LDLRAD4: variants seen among roughly 807,000 people sequenced by gnomAD.
The protein encoded by LDLRAD4 is low-density lipoprotein receptor class A domain-containing protein 4.
A neutral mutation model predicts 17.0 loss-of-function variants in LDLRAD4; 5 were observed. The observed-to-expected ratio is 0.29, with a 90% CI of 0.15 to 0.62. The LOEUF is 0.62. Ranked by LOEUF, LDLRAD4 falls within the 20% of genes least tolerant of loss-of-function variation. The pLI, the probability that LDLRAD4 is intolerant of heterozygous loss-of-function variation, is 0.84. For synonymous variants in LDLRAD4, 168 were observed against 171.8 expected (o/e 0.98, Z 0.17); for missense variants, 340 against 424.7 (o/e 0.80, Z 1.75).
intron 1 of LDLRAD4, among the ~76,000 whole-genome samples, chr18:13,303,590 C>A (rs1444513982): frequency 6.6e-6 from 1 of 152,134 alleles, no homozygotes; most frequent in Non-Finnish European, 1.5e-5. Context: ...CCTTGGCCTC[C>A]CAAAGCCCTA....
rs565361028 is a variant in LDLRAD4, at chr18:13,447,990, G to A, written c.181+9606G>A. On this transcript the variant is annotated intron_variant, in intron 3 of 5. Transcript: ENST00000359446. Reference sequence around the variant, plus strand: ...TCCTGGGGGAGGCCAAGGGGTGGCCGGGAGGGTGTAGGGAGAGGGGGTGCT... The same window carrying A: ...TCCTGGGGGAGGCCAAGGGGTGGCCAGGAGGGTGTAGGGAGAGGGGGTGCT... 2.6e-5 allele frequency among the ~76,000 whole-genome samples: 4 copies of A among 152,302 alleles called. No homozygotes were observed. In the South Asian group the frequency reaches 6.2e-4, roughly 24 times the overall value.
chr18:13,413,629 G>A (rs2088581042), intron 2 of LDLRAD4, among the ~76,000 whole-genome samples: 2 of 152,194 alleles, frequency 1.3e-5, no homozygotes, highest in South Asian at 2.1e-4. Context: ...GTCTTTAAAC[G>A]TCTGGGAATT....
chr18:13,286,686 A>G (rs2045641240), intron 1 of LDLRAD4, among the ~76,000 whole-genome samples: 1 of 152,206 alleles, frequency 6.6e-6, no homozygotes, highest in Non-Finnish European at 1.5e-5. Context: ...CAGTGTCATT[A>G]GATGCGTGTT....
intron 1 of LDLRAD4, among the ~76,000 whole-genome samples, chr18:13,223,338 C>T (rs1391814278): frequency 6.6e-6 from 1 of 152,230 alleles, no homozygotes; most frequent in African/African-American, 2.4e-5. Context: ...CACTGGCTAG[C>T]CATCCTCCAT....
At chr18:13,438,435 G>T (rs771564175) in intron 3 of LDLRAD4, 51 bp downstream of exon 4, 5 of 1,510,976 alleles carry the variant, frequency 3.3e-6, no homozygotes, top group South Asian at 1.1e-5. Flanking sequence ...GTTCTGAAAC[G>T]GTTAGGAGGT....
At chr18:13,315,541 T>C (rs1487314080) in intron 1 of LDLRAD4, among the ~76,000 whole-genome samples, 3 of 152,046 alleles carry the variant, frequency 2.0e-5, no homozygotes, top group Non-Finnish European at 2.9e-5. Flanking sequence ...CACCAGCACT[T>C]TGGGAGGCCG....
chr18:13,381,474 A>T (rs1266582301), intron 1 of LDLRAD4, among the ~76,000 whole-genome samples: 1 of 152,192 alleles, frequency 6.6e-6, no homozygotes, highest in East Asian at 1.9e-4. Flanking sequence ...CTCATTGTAT[A>T]AAAGAGGAGA....
intron 3 of LDLRAD4, among the ~76,000 whole-genome samples, chr18:13,594,021 C>T (rs2095061053): frequency 6.6e-6 from 1 of 152,182 alleles, no homozygotes; most frequent in Non-Finnish European, 1.5e-5. Context: ...TTTTCCCTCA[C>T]TATCCTCATG....
intron 1 of LDLRAD4, among the ~76,000 whole-genome samples, chr18:13,340,885 C>T (rs1219858798): frequency 6.6e-6 from 1 of 151,912 alleles, no homozygotes. Flanking sequence ...GGTTTTTGAT[C>T]CATTTTGAGT....
At position 13,363,446 on chromosome 18, in the gene LDLRAD4, AATTCAAACAG is replaced by A. The variant is rs1189008979; in HGVS notation, c.-382-23891_-382-23882del. Among the ~76,000 whole-genome samples, 10 of 152,124 alleles carry A rather than the reference AATTCAAACAG, an allele frequency of 6.6e-5. No individual in the cohort carries two copies. In the South Asian group the frequency reaches 1.4e-3, roughly 22 times the overall value. ...CTGCGCCGGGGAAAGGGAGAGTGGA[AATTCAAACAG>A]ATTTCTCAAGTGTGCAAGGGTGTGT... On this transcript the variant is annotated intron_variant, in intron 1 of 5. Coordinates refer to ENST00000359446, the Ensembl canonical transcript of LDLRAD4.
chr18:13,466,751 G>T (rs1450073900), intron 3 of LDLRAD4, among the ~76,000 whole-genome samples: 4 of 152,230 alleles, frequency 2.6e-5, no homozygotes, highest in Non-Finnish European at 5.9e-5. Flanking sequence ...GAGGTCGGAA[G>T]TCTGAGATCG....
At chr18:13,359,882 CT>C (rs2144615102) in intron 1 of LDLRAD4, among the ~76,000 whole-genome samples, 1 of 152,340 alleles carries the variant, frequency 6.6e-6, no homozygotes, top group Admixed American at 6.5e-5. Context: ...TCAGATGACG[CT>C]GTTCTTGGCT....
At chr18:13,570,947 T>C (rs2094681336) in intron 3 of LDLRAD4, among the ~76,000 whole-genome samples, 1 of 152,160 alleles carries the variant, frequency 6.6e-6, no homozygotes, top group African/African-American at 2.4e-5. Flanking sequence ...GCTTCTTGAG[T>C]AGCTGGGACT....
chr18:13,454,735 G>A (rs1425492346), intron 3 of LDLRAD4, among the ~76,000 whole-genome samples: 1 of 137,588 alleles, frequency 7.3e-6, no homozygotes, highest in Non-Finnish European at 1.6e-5. Flanking sequence ...CTGGGAAAGG[G>A]GCTGGCCTGG....
At chr18:13,389,313 G>A (rs1429654359) in intron 2 of LDLRAD4, among the ~76,000 whole-genome samples, 1 of 150,584 alleles carries the variant, frequency 6.6e-6, no homozygotes, top group Middle Eastern at 3.2e-3. Context: ...GGGATGGGCA[G>A]CTCCCTCGTG....
At chr18:13,441,903 A>C (rs1280101897) in intron 3 of LDLRAD4, among the ~76,000 whole-genome samples, 15 of 152,234 alleles carry the variant, frequency 9.9e-5, no homozygotes, top group Non-Finnish European at 1.8e-4. Flanking sequence ...GAGAGACCAA[A>C]GGGTTTTGCA....
intron 1 of LDLRAD4, among the ~76,000 whole-genome samples, chr18:13,386,429 C>T (rs1412712305): frequency 4.0e-5 from 6 of 151,634 alleles, no homozygotes; most frequent in African/African-American, 1.5e-4. Flanking sequence ...ATTGCAATGG[C>T]GCGATCTTGG....
intron 2 of LDLRAD4, among the ~76,000 whole-genome samples, chr18:13,392,876 G>A (rs907235563): frequency 2.0e-5 from 3 of 152,132 alleles, no homozygotes; most frequent in Non-Finnish European, 2.9e-5. Context: ...AGGTTATTTC[G>A]CTCATAAAGG....
chr18:13,398,629 C>G lies in LDLRAD4; in HGVS notation c.40+10867C>G, dbSNP rs1403065410. 1.3e-5 allele frequency among the ~76,000 whole-genome samples: 2 copies of G among 151,966 alleles called. No individual in the cohort carries two copies. Among genetic ancestry groups the G allele is most frequent in the South Asian group, 2.1e-4 (1 of 4,796 alleles). ...ACAGGTTTCGAAGGAGATGGGCGGC[C>G]CCTCCCTCTAACAACTTGATATGTA... On this transcript the variant is annotated intron_variant, in intron 2 of 5. Transcript: ENST00000359446. This position sits in a 1 kb window ranked among gnomAD's most constrained non-coding sequence, Gnocchi z 4.8.
Sources: allele counts gnomAD v4.1 joint callset (sites outside exome capture counted in the v4.1 genomes callset), GRCh38; gene constraint gnomAD v4.1.1; non-coding constraint Gnocchi (gnomAD v3.1); transcripts MANE v1.5; gene names NCBI Gene and HGNC (gene_info 2026-07-23, HGNC 2026-07-21).